ABCA13: variants seen among roughly 807,000 people sequenced by gnomAD.
The protein encoded by ABCA13 is ATP-binding cassette sub-family A member 13.
Under a neutral mutation model 478.7 loss-of-function variants are expected in ABCA13, and 476 were observed. The ratio of observed to expected loss-of-function variants is 0.99; its 90% CI spans 0.92 to 1.07. The LOEUF is 1.07. Among genes scored for constraint, ABCA13 ranks in the 50% least tolerant of loss-of-function variants. The probability of loss-of-function intolerance (pLI) is 0.00; values close to 1 mark genes in which losing one functional copy is unlikely to be tolerated. For synonymous variants in ABCA13, 2,252 were observed against 2,158.9 expected, an observed-to-expected ratio of 1.04 and a Z score of -1.20; for missense variants, 6,060 against 5,910.6, an observed-to-expected ratio of 1.03 and a Z score of -0.83.
At chr7:48,316,789 G>A (rs759646304) in intron 26 of ABCA13, among the ~76,000 whole-genome samples, 13 of 152,294 alleles carry the variant, frequency 8.5e-5, no homozygotes, top group East Asian at 1.9e-4. Context: ...GGAAGCAAGA[G>A]GGGGGAGGAG....
chr7:48,275,038 TC>T lies in ABCA13; in HGVS notation c.5373del (p.Phe1791LeufsTer4). 6.2e-7 allele frequency: 1 copy of T among 1,613,832 alleles called. No individual in the cohort carries two copies. Among genetic ancestry groups the T allele is most frequent in the South Asian group, 1.1e-5 (1 of 91,068 alleles). On this transcript the variant is annotated frameshift_variant, in exon 17 of 62. Coordinates refer to ENST00000435803, the MANE Select transcript of ABCA13 (RefSeq NM_152701.5). LOFTEE classifies it high-confidence loss of function. ...ATTTCAAATATCACCAAGGAAGACTTCGCAATTGTGATAAAAATTCTTTTGG... is the reference window on the plus strand; with the variant it reads ...ATTTCAAATATCACCAAGGAAGACTTGCAATTGTGATAAAAATTCTTTTGG... Reference protein sequence around the residue: ...ITISNITKEDFAIVIKILLDT... With the variant: ...ITISNITKEDXAIVIKILLDT...
intron 50 of ABCA13, among the ~76,000 whole-genome samples, chr7:48,508,482 C>T (rs1413055555): frequency 6.6e-6 from 1 of 151,986 alleles, no homozygotes; most frequent in Non-Finnish European, 1.5e-5. Flanking sequence ...TTTTGGAATG[C>T]ACTCAGTTTC....
At chr7:48,397,145 T>C (rs1816947209) in intron 38 of ABCA13, among the ~76,000 whole-genome samples, 1 of 152,208 alleles carries the variant, frequency 6.6e-6, no homozygotes, top group East Asian at 1.9e-4. Context: ...TTGAGTGTGA[T>C]GAGTGCACTG....
intron 7 of ABCA13, among the ~76,000 whole-genome samples, chr7:48,230,693 A>G (rs1349063909): frequency 6.6e-6 from 1 of 151,826 alleles, no homozygotes; most frequent in Non-Finnish European, 1.5e-5. Context: ...CTATCCATCT[A>G]TTCGTCCATT....
chr7:48,352,000 A>G (rs1809081276), intron 30 of ABCA13, among the ~76,000 whole-genome samples, 181 bp from the exon 31 acceptor site: 1 of 152,216 alleles, frequency 6.6e-6, no homozygotes, highest in African/African-American at 2.4e-5. Context: ...TAGGCTTACC[A>G]CCAATTGCCT....
intron 48 of ABCA13, among the ~76,000 whole-genome samples, chr7:48,496,472 AAACTCATGAGATG>A (rs1432772394): frequency 2.0e-5 from 3 of 152,126 alleles, no homozygotes; most frequent in African/African-American, 7.2e-5. Context: ...ATGACTTAGG[AAACTCATGAGATG>A]AACAATAGTC....
chr7:48,298,228 G>A (rs1264557537), intron 22 of ABCA13, 138 bp from the exon 23 acceptor site: 1 of 745,956 alleles, frequency 1.3e-6, no homozygotes, highest in Admixed American at 3.2e-5. Context: ...AGTAAGGTAT[G>A]ACTTTATTTA....
chr7:48,347,926 C>A (rs1360728357), intron 29 of ABCA13, among the ~76,000 whole-genome samples: 1 of 152,168 alleles, frequency 6.6e-6, no homozygotes, highest in African/African-American at 2.4e-5. Context: ...GACCATTGAG[C>A]AGATGATTAT....
intron 15 of ABCA13, among the ~76,000 whole-genome samples, chr7:48,264,121 T>C (rs1794563798): frequency 6.6e-6 from 1 of 151,938 alleles, no homozygotes; most frequent in Non-Finnish European, 1.5e-5. Flanking sequence ...TTCATTCATG[T>C]TGTAGTGTGT....
chr7:48,258,651 T>G (rs1793739679), intron 15 of ABCA13, among the ~76,000 whole-genome samples: 1 of 152,164 alleles, frequency 6.6e-6, no homozygotes, highest in South Asian at 2.1e-4. Context: ...AGAAACCATG[T>G]GCAGAAGGGG....
At chr7:48,557,152 T>C (rs1785918776) in intron 55 of ABCA13, among the ~76,000 whole-genome samples, 1 of 152,104 alleles carries the variant, frequency 6.6e-6, no homozygotes, top group Non-Finnish European at 1.5e-5. Context: ...GTACTATCTA[T>C]GTCTTCAAAA....
At chr7:48,328,997 A>G (rs1311094030) in intron 27 of ABCA13, among the ~76,000 whole-genome samples, 1 of 152,218 alleles carries the variant, frequency 6.6e-6, no homozygotes, top group Non-Finnish European at 1.5e-5. Context: ...AAAGACAGCT[A>G]TTCGCACATG....
At chr7:48,341,551 T>C (rs1270579339) in intron 29 of ABCA13, among the ~76,000 whole-genome samples, 1 of 152,138 alleles carries the variant, frequency 6.6e-6, no homozygotes, top group Non-Finnish European at 1.5e-5. Flanking sequence ...GGAAATATCC[T>C]CTATTTCATT....
chr7:48,239,271 G>T lies in ABCA13; in HGVS notation c.928G>T (p.Val310Leu), dbSNP rs372915489. The stretch of plus-strand genomic sequence containing the variant: ...CACAGACACTTCCTTGGAGAAGATG[G>T]TGTGTTCAGTCTTGTCTAGCACATC... ...IPTDTSLEKM[V>L]CSVLSSTSED... The change falls in exon 9 of 62, where the codon GTG becomes TTG. Residue 310 changes from valine to leucine, a missense_variant. Val to Leu is a conservative substitution (Grantham distance 32). Around this residue, in one of 3 missense-constraint regions of ABCA13, gnomAD observed 4,423 missense variants for 4,309.1 expected, o/e 1.03. Transcript: ENST00000435803. 1.2e-6 allele frequency: 2 copies of T among 1,613,912 alleles called. No individual in the cohort carries two copies. Among genetic ancestry groups the T allele is most frequent in the Non-Finnish European group, 1.7e-6 (2 of 1,179,842 alleles).
chr7:48,344,388 A>G (rs1188621387), intron 29 of ABCA13, among the ~76,000 whole-genome samples: 2 of 152,176 alleles, frequency 1.3e-5, no homozygotes, highest in African/African-American at 2.4e-5. Flanking sequence ...TTTCAGGAGG[A>G]GACACGTTGG....
chr7:48,277,402 GT>G (rs1030875825), intron 17 of ABCA13, among the ~76,000 whole-genome samples: 3 of 152,202 alleles, frequency 2.0e-5, no homozygotes, highest in African/African-American at 7.2e-5. Flanking sequence ...CTCTTTCAGA[GT>G]TTTCCTGGCC....
intron 6 of ABCA13, among the ~76,000 whole-genome samples, chr7:48,228,484 G>A (rs1788574969): frequency 6.6e-6 from 1 of 152,188 alleles, no homozygotes. Flanking sequence ...CAGGAGTGTG[G>A]GGTGGGAGGC....
chr7:48,371,345 G>A (rs1029681740), intron 32 of ABCA13, among the ~76,000 whole-genome samples: 8 of 152,218 alleles, frequency 5.3e-5, no homozygotes, highest in Non-Finnish European at 1.0e-4. Flanking sequence ...AATGGGAATA[G>A]CATTGAATCT....
intron 51 of ABCA13, among the ~76,000 whole-genome samples, chr7:48,511,497 A>G (rs1180421451): frequency 6.6e-6 from 1 of 152,168 alleles, no homozygotes; most frequent in East Asian, 1.9e-4. Context: ...TCACTTTGAC[A>G]TTAATCAGGG....
Sources: gnomAD v4.1 joint callset for allele counts (sites outside exome capture counted in the v4.1 genomes callset) on GRCh38, gnomAD v4.1.1 for gene constraint, gnomAD v4.1.1 regional missense constraint, MANE v1.5 for transcripts, NCBI Gene and HGNC (gene_info 2026-07-23, HGNC 2026-07-21) for gene names.